The following LRP1B variants were observed in gnomAD, a reference collection of about 807,000 sequenced individuals.
LRP1B encodes the protein low-density lipoprotein receptor-related protein 1B.
In LRP1B, 217 loss-of-function variants were observed where a neutral mutation model predicts 556.6. The ratio of observed to expected loss-of-function variants is 0.39; its 90% CI spans 0.35 to 0.44. LRP1B has a LOEUF of 0.44. LRP1B is among the 20% of genes least tolerant of loss of function. LRP1B has a pLI of 1.00. For synonymous variants in LRP1B, 2,047 were observed against 1,865.8 expected, an observed-to-expected ratio of 1.10 and a Z score of -2.50; for missense variants, 5,053 against 5,620.8, an observed-to-expected ratio of 0.90 and a Z score of 3.23.
rs145088484 is a variant in LRP1B, at chr2:142,007,103, T to C, written c.82+123545A>G. Among the ~76,000 whole-genome samples, 397 of 152,296 alleles carry C rather than the reference T, an allele frequency of 2.6e-3. 2 individuals carry two copies. Among genetic ancestry groups the C allele is most frequent in the African/African-American group, 8.8e-3 (367 of 41,588 alleles). On this transcript the variant is annotated intron_variant, in intron 1 of 90. Transcript: ENST00000389484. ...CTCCAGATTTCACATTTCTCTAAAA[T>C]AAATATAGTAACATGTTAACTCAAG... is the stretch of plus-strand genomic sequence containing the variant.
intron 11 of LRP1B, among the ~76,000 whole-genome samples, chr2:141,040,902 T>C (rs566091501): frequency 4.6e-5 from 7 of 152,230 alleles, no homozygotes; most frequent in African/African-American, 1.7e-4. Context: ...GGAGAATATA[T>C]TTGACAGAAA....
chr2:140,693,916 C>T (rs1198742287), intron 41 of LRP1B, among the ~76,000 whole-genome samples: 1 of 152,128 alleles, frequency 6.6e-6, no homozygotes, highest in African/African-American at 2.4e-5. Context: ...CCATTTTGGC[C>T]AGGCTAGTCT....
At chr2:141,230,518 G>A (rs1683419332) in intron 5 of LRP1B, among the ~76,000 whole-genome samples, 2 of 152,122 alleles carry the variant, frequency 1.3e-5, no homozygotes, top group South Asian at 2.1e-4. Flanking sequence ...CCCTCAAAGG[G>A]CTCCTATTTT....
chr2:141,919,067 G>T (rs1270059564), intron 1 of LRP1B, among the ~76,000 whole-genome samples: 9 of 151,856 alleles, frequency 5.9e-5, no homozygotes, highest in Admixed American at 5.9e-4. Context: ...GCTTTAAAAA[G>T]ATAAGTCAAA....
intron 1 of LRP1B, among the ~76,000 whole-genome samples, chr2:142,083,123 G>A (rs887964766): frequency 3.9e-5 from 6 of 152,122 alleles, no homozygotes; most frequent in Non-Finnish European, 7.3e-5. Flanking sequence ...AGGCCCATGC[G>A]GCATAATGGT....
intron 3 of LRP1B, among the ~76,000 whole-genome samples, chr2:141,321,178 T>C (rs944375609): frequency 6.6e-6 from 1 of 152,148 alleles, no homozygotes. Context: ...ATGACCTCAG[T>C]ACTCTTGAAG....
intron 18 of LRP1B, among the ~76,000 whole-genome samples, chr2:140,978,100 A>T (rs1696659361): frequency 6.6e-6 from 1 of 152,226 alleles, no homozygotes; most frequent in Admixed American, 6.5e-5. Context: ...AAAGTTAAAC[A>T]ACTGCTTAAA....
At chr2:141,480,159 TTGTGTGTGTGTGTG>T (rs5834837) in intron 3 of LRP1B, among the ~76,000 whole-genome samples, 80,197 of 149,894 alleles carry the variant, frequency 0.54, 21,710 homozygotes, top group Non-Finnish European at 0.59. Context: ...AAGTCTAAAT[TTGTGTGTGTGTGTG>T]TGTGTGTGTG....
At chr2:141,198,138 C>T (rs1357838472) in intron 6 of LRP1B, among the ~76,000 whole-genome samples, 2 of 152,016 alleles carry the variant, frequency 1.3e-5, no homozygotes, top group African/African-American at 2.4e-5. Flanking sequence ...TTTGAAAATG[C>T]CTACTGAATA....
At chr2:141,330,628 T>C (rs2105491547) in intron 3 of LRP1B, among the ~76,000 whole-genome samples, 1 of 152,312 alleles carries the variant, frequency 6.6e-6, no homozygotes, top group East Asian at 1.9e-4. Flanking sequence ...AGCAATGTAA[T>C]TGTAAGATTC....
chr2:140,879,113 T>C (rs530849417), intron 25 of LRP1B, among the ~76,000 whole-genome samples: 1 of 152,308 alleles, frequency 6.6e-6, no homozygotes, highest in East Asian at 1.9e-4. Flanking sequence ...GATAAGGCTG[T>C]ACTTCCCACT....
intron 1 of LRP1B, among the ~76,000 whole-genome samples, chr2:141,969,181 G>A (rs563836182): frequency 8.6e-5 from 13 of 150,480 alleles, no homozygotes; most frequent in East Asian, 3.9e-4. Context: ...GTGATATTAT[G>A]ATTCATGCAT....
At chr2:140,746,007 T>A (rs972555021) in intron 35 of LRP1B, among the ~76,000 whole-genome samples, 1 of 150,398 alleles carries the variant, frequency 6.6e-6, no homozygotes, top group African/African-American at 2.4e-5. Context: ...ACAAGTAACC[T>A]CTCTGAGCCT....
intron 2 of LRP1B, among the ~76,000 whole-genome samples, chr2:141,745,476 A>C (rs2105553691): frequency 6.6e-6 from 1 of 152,216 alleles, no homozygotes; most frequent in Admixed American, 6.5e-5. Flanking sequence ...CAGGTCCATA[A>C]GGAATACTGC....
intron 2 of LRP1B, among the ~76,000 whole-genome samples, chr2:141,562,205 G>T (rs944468173): frequency 1.5e-4 from 23 of 151,952 alleles, no homozygotes; most frequent in African/African-American, 5.3e-4. Flanking sequence ...CTGACCTAGA[G>T]AATTCAGGGA....
At chr2:141,891,549 C>T (rs144350734) in intron 1 of LRP1B, among the ~76,000 whole-genome samples, 29 of 152,080 alleles carry the variant, frequency 1.9e-4, no homozygotes, top group African/African-American at 2.6e-4. Flanking sequence ...ATGCATACTC[C>T]GCATAGAATA....
chr2:141,078,558 A>G (rs1309824391), intron 7 of LRP1B, among the ~76,000 whole-genome samples: 1 of 152,192 alleles, frequency 6.6e-6, no homozygotes, highest in African/African-American at 2.4e-5. Flanking sequence ...ATATAAAGCA[A>G]GGGCATCGGT....
intron 66 of LRP1B, among the ~76,000 whole-genome samples, chr2:140,388,082 A>G (rs1829363): frequency 0.98 from 148,903 of 151,944 alleles, 73,017 homozygotes; most frequent in Middle Eastern, 1. Flanking sequence ...GATTACAGGC[A>G]TTCGCCACCA....
rs1682644955 is a variant in LRP1B, at chr2:140,364,161, T to TGTTTAGG, written c.11131+493_11131+499dup. Among the ~76,000 whole-genome samples the TGTTTAGG allele has an allele frequency of 3.3e-5, 5 of 151,786 alleles. No individual in the cohort carries two copies. The South Asian group carries it at 1.0e-3, about 31-fold the overall frequency. ...TAAATAACTCCTAATTTCAGTTCTG[T>TGTTTAGG]GTTTAGGACTTGTAATGATATAGAC... On this transcript the variant is annotated intron_variant, in intron 72 of 90. Transcript: ENST00000389484.
Sources: allele counts gnomAD v4.1 joint callset (sites outside exome capture counted in the v4.1 genomes callset), GRCh38; gene constraint gnomAD v4.1.1; transcripts MANE v1.5; gene names NCBI Gene and HGNC (gene_info 2026-07-23, HGNC 2026-07-21).